The following PRPF18 variants were observed in gnomAD, a reference collection of about 807,000 sequenced individuals.
The protein encoded by PRPF18 is pre-mRNA processing factor 18, also known as pre-mRNA-splicing factor 18.
In PRPF18, 38 loss-of-function variants were observed where a neutral mutation model predicts 46.5. That is an observed-to-expected ratio of 0.82 (90% CI 0.63 to 1.07). The LOEUF is 1.07. PRPF18 is among the 50% of genes least tolerant of loss of function. The pLI is 0.00. For synonymous variants in PRPF18, 152 were observed against 146.7 expected (o/e 1.04, Z -0.26); for missense variants, 263 against 410.0 (o/e 0.64, Z 3.10).
the PRPF18 span, chr10:13,641,465 A>G: frequency 6.6e-6 from 1 of 152,268 alleles, no homozygotes; most frequent in Non-Finnish European, 1.5e-5. Flanking sequence ...GATAAATATC[A>G]GTCTCATCAG....
At position 13,591,879 on chromosome 10, in the gene PRPF18, G is replaced by C. The variant is rs552198500; in HGVS notation, c.66+4727G>C. 3 of 1,421,626 alleles carry C rather than the reference G, an allele frequency of 2.1e-6. 1 individual carries two copies. In the South Asian group the frequency reaches 3.4e-5, roughly 16 times the overall value. The allele number at this position is 1,421,626 out of a possible 1,614,324, so 88.1% of individuals were successfully genotyped here. ...GGAATCCAGTGAGGATGATCAGAAC[G>C]TTCCCCGGGGTAATGCTGGTTCGCA... On this transcript the variant is annotated intron_variant, in intron 1 of 9. Coordinates refer to ENST00000378572, the MANE Select transcript of PRPF18 (RefSeq NM_003675.4).
At chr10:13,618,470 A>G (rs1221903774) in intron 9 of PRPF18, among the ~76,000 whole-genome samples, 1 of 152,026 alleles carries the variant, frequency 6.6e-6, no homozygotes, top group Non-Finnish European at 1.5e-5. Flanking sequence ...TCTACAAAAA[A>G]TAGAAACTAG....
At chr10:13,654,071 C>G in the PRPF18 span, 2 of 451,584 alleles carry the variant, frequency 4.4e-6, no homozygotes, top group African/African-American at 2.0e-5. Context: ...GACATTCTTG[C>G]CTGGCATTTT....
intron 1 of PRPF18, among the ~76,000 whole-genome samples, chr10:13,588,331 C>T (rs1267784117): frequency 6.6e-6 from 1 of 151,522 alleles, no homozygotes; most frequent in African/African-American, 2.4e-5. Flanking sequence ...CACTTGAACC[C>T]GGGAGGCGGA....
At position 13,612,784 on chromosome 10, in the gene PRPF18, G is replaced by GT. The variant is rs545230919; in HGVS notation, c.580-949dup. On this transcript the variant is annotated intron_variant, in intron 6 of 9. Transcript: ENST00000378572. ...ACCACCATGCCCAGCTAATTTTTTA[G>GT]TTTTTTTTGTAACCTTACAGAGAGT... 7.9e-3 allele frequency among the ~76,000 whole-genome samples: 1,200 copies of GT among 151,708 alleles called. 4 individuals are homozygous for GT. The highest frequency in any genetic ancestry group is 0.012 in the Non-Finnish European group (816 of 67,884).
the PRPF18 span, chr10:13,647,894 G>A: frequency 6.6e-6 from 1 of 152,130 alleles, no homozygotes; most frequent in Non-Finnish European, 1.5e-5. Flanking sequence ...TCCTGAATGA[G>A]CCCTTTGAAT....
At chr10:13,592,162 C>A (rs1358093894) in intron 1 of PRPF18, 19 of 617,452 alleles carry the variant, frequency 3.1e-5, no homozygotes, top group Non-Finnish European at 5.4e-5. Flanking sequence ...GAATACCTGC[C>A]AATTCCTCTG....
At chr10:13,606,978 G>A (rs548558223) in intron 4 of PRPF18, among the ~76,000 whole-genome samples, 2 of 152,308 alleles carry the variant, frequency 1.3e-5, no homozygotes, top group South Asian at 4.1e-4. Flanking sequence ...TCTCTTTTGT[G>A]TCTGGTAGTA....
intron 9 of PRPF18, among the ~76,000 whole-genome samples, chr10:13,626,960 G>T (rs779392383): frequency 6.6e-6 from 1 of 152,026 alleles, no homozygotes; most frequent in Non-Finnish European, 1.5e-5. Context: ...CACCTTCCTT[G>T]CTGCCACTGG....
intron 5 of PRPF18, among the ~76,000 whole-genome samples, chr10:13,611,277 C>G (rs1411204192): frequency 1.3e-5 from 2 of 148,796 alleles, no homozygotes; most frequent in Non-Finnish European, 3.0e-5. Flanking sequence ...ATACAGTTGA[C>G]TGATTTAACA....
intron 9 of PRPF18, among the ~76,000 whole-genome samples, chr10:13,617,546 G>GAAAAA (rs66828303): frequency 6.7e-6 from 1 of 148,648 alleles, no homozygotes; most frequent in East Asian, 2.0e-4. Context: ...GCTTTTAGCT[G>GAAAAA]AAAAAAAAAA....
chr10:13,632,539 T>C (rs529738303), downstream of PRPF18: 1 of 152,388 alleles, frequency 6.6e-6, no homozygotes, highest in African/African-American at 2.4e-5. Flanking sequence ...CATTAATTTC[T>C]TGTTGTCTTC....
the PRPF18 span, among the ~76,000 whole-genome samples, chr10:13,650,576 C>T: frequency 6.6e-6 from 1 of 152,162 alleles, no homozygotes; most frequent in Non-Finnish European, 1.5e-5. Context: ...GAGAAAAAGG[C>T]CATTCTTCCT....
chr10:13,654,273 T>C, the PRPF18 span: 2 of 684,500 alleles, frequency 2.9e-6, no homozygotes, highest in South Asian at 1.7e-5. Context: ...CAGCAGATCA[T>C]GGGGCTTCTC....
chr10:13,611,436 T>A (rs2080267751), intron 5 of PRPF18, among the ~76,000 whole-genome samples, 179 bp from the exon 6 acceptor site: 1 of 152,194 alleles, frequency 6.6e-6, no homozygotes, highest in South Asian at 2.1e-4. Context: ...CTCTCCAAAT[T>A]TAAGTGGCAA....
intron 1 of PRPF18, among the ~76,000 whole-genome samples, chr10:13,591,304 C>G (rs1029313875): frequency 1.3e-5 from 2 of 152,160 alleles, no homozygotes; most frequent in African/African-American, 4.8e-5. Context: ...TTTCACTGCC[C>G]CGTTCATAGC....
intron 1 of PRPF18, chr10:13,591,924 G>GT: frequency 1.3e-5 from 17 of 1,311,780 alleles, no homozygotes; most frequent in Non-Finnish European, 1.7e-5. Flanking sequence ...CGTGTCAACT[G>GT]AGGGTTTTTT....
chr10:13,592,608 A>G (rs1214577355), intron 1 of PRPF18, among the ~76,000 whole-genome samples: 1 of 152,210 alleles, frequency 6.6e-6, no homozygotes, highest in African/African-American at 2.4e-5. Flanking sequence ...CACCTGTCCT[A>G]AAGTGCCCTG....
intron 3 of PRPF18, among the ~76,000 whole-genome samples, chr10:13,600,700 G>T (rs2080093067): frequency 6.6e-6 from 1 of 150,432 alleles, no homozygotes; most frequent in Non-Finnish European, 1.5e-5. Context: ...CGTCTTTCCA[G>T]ATTAAAATAT....
Sources: allele counts gnomAD v4.1 joint callset (sites outside exome capture counted in the v4.1 genomes callset), GRCh38; gene constraint gnomAD v4.1.1; transcripts MANE v1.5; gene names NCBI Gene and HGNC (gene_info 2026-07-23, HGNC 2026-07-21).